MAGI2: variants seen among roughly 807,000 people sequenced by gnomAD.
MAGI2 encodes membrane-associated guanylate kinase, WW and PDZ domain-containing protein 2.
In MAGI2, 35 loss-of-function variants were observed where a neutral mutation model predicts 133.3. The observed-to-expected ratio is 0.26, with a 90% CI of 0.20 to 0.35. MAGI2 has a LOEUF of 0.35. MAGI2 is among the 10% of genes least tolerant of loss of function. The probability of loss-of-function intolerance (pLI) is 1.00; values close to 1 mark genes in which losing one functional copy is unlikely to be tolerated. For synonymous variants in MAGI2, 729 were observed against 710.6 expected (o/e 1.03, Z -0.41); for missense variants, 1,636 against 1,863.4 (o/e 0.88, Z 2.25).
chr7:79,214,393 CTCTCTCTCTCTCTCTATATATA>C lies in MAGI2; in HGVS notation c.302-207209_302-207188del, dbSNP rs1452701313. On this transcript the variant is annotated intron_variant, in intron 1 of 21. Transcript: ENST00000354212. Reference sequence around the variant, plus strand: ...TCTCTCTCTCTCTCTCTCTCTCTCTCTCTCTCTCTCTCTCTATATATATATATATATATATATATATATATAT... The same window carrying C: ...TCTCTCTCTCTCTCTCTCTCTCTCTCTATATATATATATATATATATATAT... Among the ~76,000 whole-genome samples the C allele has an allele frequency of 2.7e-3, 251 of 91,694 alleles. 1 individual carries two copies. The highest frequency in any genetic ancestry group is 6.6e-3 in the East Asian group (20 of 3,042). 60.2% of individuals were successfully genotyped at this position (91,694 alleles called of 152,430 possible).
chr7:79,131,955 C>T (rs1820976563), intron 1 of MAGI2, among the ~76,000 whole-genome samples: 1 of 152,008 alleles, frequency 6.6e-6, no homozygotes, highest in African/African-American at 2.4e-5. Context: ...TACGTGTAAA[C>T]ACAAAACCAG....
chr7:78,618,046 T>C (rs1563249916), intron 3 of MAGI2: 1 of 152,062 alleles, frequency 6.6e-6, no homozygotes, highest in Admixed American at 6.6e-5. Context: ...CATCAGGTTA[T>C]AGCTTTCAAA....
intron 2 of MAGI2, among the ~76,000 whole-genome samples, chr7:78,631,720 T>C (rs1333231751): frequency 6.6e-6 from 1 of 152,252 alleles, no homozygotes; most frequent in African/African-American, 2.4e-5. Flanking sequence ...CCCTCCTTTC[T>C]GGCTCGTCAT....
At chr7:78,716,859 A>G (rs575740156) in intron 2 of MAGI2, among the ~76,000 whole-genome samples, 10 of 152,304 alleles carry the variant, frequency 6.6e-5, no homozygotes, top group Middle Eastern at 3.4e-3. Context: ...ACGGAATCCA[A>G]TCTTATTTAC....
At chr7:78,850,793 C>T (rs1793064227) in intron 2 of MAGI2, among the ~76,000 whole-genome samples, 1 of 152,082 alleles carries the variant, frequency 6.6e-6, no homozygotes, top group East Asian at 1.9e-4. Context: ...AGCCAAAGCA[C>T]TGACTGGATT....
chr7:79,120,719 C>A (rs1376123846), intron 1 of MAGI2, among the ~76,000 whole-genome samples: 1 of 151,968 alleles, frequency 6.6e-6, no homozygotes, highest in Non-Finnish European at 1.5e-5. Flanking sequence ...TTGAATGACT[C>A]ATTTAGTGGT....
chr7:78,182,311 A>C (rs1827261007), intron 13 of MAGI2, among the ~76,000 whole-genome samples: 1 of 152,204 alleles, frequency 6.6e-6, no homozygotes. Context: ...GGAATTATAT[A>C]GTTTCTGTTG....
chr7:79,219,420 A>G (rs1210512921), intron 1 of MAGI2, among the ~76,000 whole-genome samples: 1 of 152,046 alleles, frequency 6.6e-6, no homozygotes, highest in Non-Finnish European at 1.5e-5. Context: ...TGAATATGTT[A>G]TATGTATTTG....
chr7:79,286,314 T>A (rs1426521335), intron 1 of MAGI2, among the ~76,000 whole-genome samples: 4 of 152,034 alleles, frequency 2.6e-5, no homozygotes, highest in Admixed American at 6.6e-5. Flanking sequence ...CAAACATCAC[T>A]GAGTTGGATA....
In MAGI2 at chr7:78,035,653, G is replaced by A. The variant is rs143237067; in HGVS notation, c.3707-15677C>T. Among the ~76,000 whole-genome samples the A allele has an allele frequency of 1.7e-4, 26 of 152,010 alleles. No homozygotes were observed. In the East Asian group the frequency reaches 4.3e-3, roughly 25 times the overall value. The stretch of plus-strand genomic sequence containing the variant: ...AGATGTTACAGCATCATCCTATCAG[G>A]CCATCTGGCCACTGGCTTCCACTCT... On this transcript the variant is annotated intron_variant, in intron 21 of 21. Coordinates refer to ENST00000354212, the MANE Select transcript of MAGI2 (RefSeq NM_012301.4).
chr7:78,749,131 A>G (rs567253523), intron 2 of MAGI2, among the ~76,000 whole-genome samples: 17 of 152,212 alleles, frequency 1.1e-4, no homozygotes, highest in Admixed American at 2.0e-4. Flanking sequence ...AAATGATGCC[A>G]ATGTTCAGAG....
chr7:79,038,376 T>A (rs1584758401), intron 1 of MAGI2, among the ~76,000 whole-genome samples: 1 of 152,256 alleles, frequency 6.6e-6, no homozygotes, highest in East Asian at 1.9e-4. Context: ...TTACAAAAAA[T>A]TTTGTGTTTT....
At chr7:78,752,983 A>C (rs750383298) in intron 2 of MAGI2, among the ~76,000 whole-genome samples, 9 of 152,252 alleles carry the variant, frequency 5.9e-5, no homozygotes, top group Non-Finnish European at 8.8e-5. Context: ...GCTTTTAAAC[A>C]TGTCACTCAT....
intron 2 of MAGI2, among the ~76,000 whole-genome samples, chr7:78,660,223 T>A (rs898960021): frequency 2.6e-5 from 4 of 152,138 alleles, no homozygotes; most frequent in African/African-American, 9.7e-5. Context: ...TATACATATG[T>A]AACAAACCTG....
chr7:78,553,230 A>G (rs1799515628), intron 3 of MAGI2, among the ~76,000 whole-genome samples: 1 of 152,174 alleles, frequency 6.6e-6, no homozygotes, highest in South Asian at 2.1e-4. Flanking sequence ...CAATTGTAAT[A>G]TACTTTGACT....
intron 6 of MAGI2, among the ~76,000 whole-genome samples, chr7:78,387,623 T>C (rs6466177): frequency 0.54 from 82,225 of 151,974 alleles, 23,194 homozygotes; most frequent in Middle Eastern, 0.66. Context: ...CAAGATGATA[T>C]TAATTACAGA....
chr7:78,895,023 C>A (rs1797090158), intron 2 of MAGI2, among the ~76,000 whole-genome samples: 1 of 152,008 alleles, frequency 6.6e-6, no homozygotes, highest in South Asian at 2.1e-4. Flanking sequence ...AAAGGAAGGG[C>A]CTTTAAGAGG....
chr7:79,251,877 G>A (rs1364190246), intron 1 of MAGI2, among the ~76,000 whole-genome samples: 1 of 151,818 alleles, frequency 6.6e-6, no homozygotes, highest in Non-Finnish European at 1.5e-5. Context: ...AAAAAAAAAA[G>A]TGGACATGGT....
At chr7:78,567,781 T>G (rs1801098944) in intron 3 of MAGI2, among the ~76,000 whole-genome samples, 1 of 152,108 alleles carries the variant, frequency 6.6e-6, no homozygotes, top group African/African-American at 2.4e-5. Context: ...AAACCTATTT[T>G]CACCCCCCAT....
Sources: gnomAD v4.1 joint callset for allele counts (sites outside exome capture counted in the v4.1 genomes callset) on GRCh38, gnomAD v4.1.1 for gene constraint, MANE v1.5 for transcripts, NCBI Gene and HGNC (gene_info 2026-07-23, HGNC 2026-07-21) for gene names.